EPC2: variants seen among roughly 807,000 people sequenced by gnomAD.
EPC2 encodes enhancer of polycomb 2, also known as enhancer of polycomb homolog 2.
EPC2 carries 14 observed loss-of-function variants against 92.1 expected under a neutral mutation model. The ratio of observed to expected loss-of-function variants is 0.15; its 90% confidence interval spans 0.10 to 0.24. The LOEUF is 0.24. Among genes scored for constraint, EPC2 ranks in the 10% least tolerant of loss-of-function variants. EPC2 has a pLI of 1.00. For synonymous variants in EPC2, 340 were observed against 334.7 expected (o/e 1.02, Z -0.17); for missense variants, 755 against 971.5 (o/e 0.78, Z 2.96).
At chr2:148,757,095 G>A (rs867550824) in intron 4 of EPC2, among the ~76,000 whole-genome samples, 1 of 152,256 alleles carries the variant, frequency 6.6e-6, no homozygotes, top group South Asian at 2.1e-4. Flanking sequence ...ATATAGTTAG[G>A]GCTGGGCGTG....
chr2:148,756,562 G>A (rs1048609485), intron 4 of EPC2, among the ~76,000 whole-genome samples: 14 of 152,192 alleles, frequency 9.2e-5, no homozygotes, highest in African/African-American at 3.4e-4. Context: ...TTAATTTTAA[G>A]TCGCTGAACT....
At chr2:148,705,259 T>C (rs1426284236) in intron 2 of EPC2, among the ~76,000 whole-genome samples, 14 of 152,000 alleles carry the variant, frequency 9.2e-5, no homozygotes, top group Non-Finnish European at 4.4e-5. Context: ...AAGTAAGATG[T>C]TATGTTTTAT....
At chr2:148,726,758 G>GTTTTTTTTTTTTTTT in intron 2 of EPC2, among the ~76,000 whole-genome samples, 1 of 75,284 alleles carries the variant, frequency 1.3e-5, no homozygotes, top group East Asian at 3.4e-4. Context: ...TTTTTGTTTT[G>GTTTTTTTTTTTTTTT]TTTTTTGTTT....
At position 148,649,783 on chromosome 2, in the gene EPC2, T is replaced by C. The variant is rs571843388; in HGVS notation, c.153+4613T>C. ...AGGGTTCTTACAGAATCCAGAGTTA[T>C]CTTCTGAACTGTGATTAAGTTCATT... On this transcript the variant is annotated intron_variant, in intron 1 of 13. Coordinates refer to ENST00000258484, the MANE Select transcript of EPC2 (RefSeq NM_015630.4). Among the ~76,000 whole-genome samples, 57 of 152,382 alleles carry C rather than the reference T, an allele frequency of 3.7e-4. 2 individuals carry two copies. The highest frequency in any genetic ancestry group is 1.3e-3 in the African/African-American group (53 of 41,592).
intron 1 of EPC2, among the ~76,000 whole-genome samples, chr2:148,689,816 A>C (rs1681608595): frequency 6.6e-6 from 1 of 152,232 alleles, no homozygotes. Flanking sequence ...GTTTGAAGTA[A>C]TAAATGCAGA....
chr2:148,770,758 A>G (rs568199628), intron 8 of EPC2, 34 bp from the exon 9 acceptor site: 1 of 1,579,830 alleles, frequency 6.3e-7, no homozygotes, highest in Non-Finnish European at 8.6e-7. Context: ...TTACTCCATG[A>G]GTTTTTTGTT....
At chr2:148,744,929 A>G (rs1024441987) in intron 3 of EPC2, among the ~76,000 whole-genome samples, 1 of 145,118 alleles carries the variant, frequency 6.9e-6, no homozygotes, top group Non-Finnish European at 1.5e-5. Context: ...AGGCATTACA[A>G]GCTCTTCAGA....
chr2:148,774,348 C>T (rs1044992504), intron 10 of EPC2, among the ~76,000 whole-genome samples: 5 of 152,188 alleles, frequency 3.3e-5, no homozygotes, highest in East Asian at 1.9e-4. Flanking sequence ...TATTCTAGGC[C>T]GGGCGTGGTG....
At chr2:148,743,376 TTC>T (rs1682918551) in intron 2 of EPC2, among the ~76,000 whole-genome samples, 2 of 152,210 alleles carry the variant, frequency 1.3e-5, no homozygotes, top group South Asian at 2.1e-4. Context: ...CTATTTTATA[TTC>T]TGTTATACAT....
chr2:148,649,297 G>A (rs1680611112), intron 1 of EPC2, among the ~76,000 whole-genome samples: 1 of 152,132 alleles, frequency 6.6e-6, no homozygotes, highest in South Asian at 2.1e-4. Context: ...ACAAGATATA[G>A]AACATTTCCA....
At chr2:148,750,810 C>T (rs1247028562) in intron 3 of EPC2, among the ~76,000 whole-genome samples, 2 of 151,894 alleles carry the variant, frequency 1.3e-5, no homozygotes, top group Admixed American at 1.3e-4. Flanking sequence ...TGGAAGCCTG[C>T]CTTTGGTAGT....
intron 1 of EPC2, among the ~76,000 whole-genome samples, chr2:148,681,258 A>AT (rs113551392): frequency 1.5e-4 from 22 of 150,720 alleles, no homozygotes; most frequent in East Asian, 7.8e-4. Flanking sequence ...GATAAAAGAG[A>AT]TTTTTTTTTT....
At chr2:148,770,277 T>G (rs1683490741) in intron 8 of EPC2, among the ~76,000 whole-genome samples, 2 of 152,150 alleles carry the variant, frequency 1.3e-5, no homozygotes, top group African/African-American at 4.8e-5. Context: ...TGGTCTCTAG[T>G]GATCCTCCTG....
chr2:148,747,702 A>G (rs1017608217), intron 3 of EPC2, among the ~76,000 whole-genome samples: 1 of 152,142 alleles, frequency 6.6e-6, no homozygotes, highest in African/African-American at 2.4e-5. Flanking sequence ...TCCCTGCAGT[A>G]TTGAATGATG....
At chr2:148,650,885 T>C (rs924034314) in intron 1 of EPC2, among the ~76,000 whole-genome samples, 2 of 152,146 alleles carry the variant, frequency 1.3e-5, no homozygotes, top group Non-Finnish European at 2.9e-5. Flanking sequence ...TAAAGTGTTC[T>C]GTATAGGAAA....
At chr2:148,662,829 T>A (rs948139744) in intron 1 of EPC2, among the ~76,000 whole-genome samples, 10 of 142,580 alleles carry the variant, frequency 7.0e-5, no homozygotes, top group Non-Finnish European at 1.1e-4. Context: ...ATAATAAAAT[T>A]TTTTTAAAAA....
intron 1 of EPC2, among the ~76,000 whole-genome samples, chr2:148,684,174 C>G (rs1681466306): frequency 6.6e-6 from 1 of 152,116 alleles, no homozygotes; most frequent in Admixed American, 6.6e-5. Context: ...TGAGAATTGT[C>G]CATTCATGTC....
chr2:148,651,336 A>G (rs961903408), intron 1 of EPC2, among the ~76,000 whole-genome samples: 5 of 152,170 alleles, frequency 3.3e-5, no homozygotes, highest in Non-Finnish European at 5.9e-5. Flanking sequence ...GTTGCTGACC[A>G]TATCATTCCC....
chr2:148,679,074 A>G (rs954560393), intron 1 of EPC2, among the ~76,000 whole-genome samples: 4 of 152,232 alleles, frequency 2.6e-5, no homozygotes, highest in African/African-American at 9.6e-5. Context: ...TTGAATCCTC[A>G]TATATTAAAG....
Sources: allele counts gnomAD v4.1 joint callset (sites outside exome capture counted in the v4.1 genomes callset), GRCh38; gene constraint gnomAD v4.1.1; transcripts MANE v1.5; gene names NCBI Gene and HGNC (gene_info 2026-07-23, HGNC 2026-07-21).